Variants in PCID2 observed in about 807,000 individuals in gnomAD.
The protein encoded by PCID2 is PCI domain-containing protein 2.
In PCID2, 41 loss-of-function variants were observed where a neutral mutation model predicts 61.3. That is an observed-to-expected ratio of 0.67 (90% confidence interval 0.52 to 0.87). The LOEUF (loss-of-function observed/expected upper bound fraction) is 0.87. Ranked by LOEUF, PCID2 falls within the 40% of genes least tolerant of loss-of-function variation. The pLI is 0.00. For missense variants in PCID2, 392 were observed against 493.4 expected (o/e 0.79, Z 1.95); for synonymous variants, 187 against 177.8 (o/e 1.05, Z -0.41).
intron 1 of PCID2, among the ~76,000 whole-genome samples, chr13:113,206,718 C>T (rs184676625): frequency 6.6e-6 from 1 of 152,326 alleles, no homozygotes; most frequent in African/African-American, 2.4e-5. Flanking sequence ...GGTAACATGC[C>T]AGTTCAACCA....
intron 8 of PCID2, 50 bp downstream of exon 8, chr13:113,185,435 C>G (rs777465926): frequency 7.6e-7 from 1 of 1,315,450 alleles, no homozygotes; most frequent in Non-Finnish European, 1.1e-6. Flanking sequence ...GTGGGAAGCC[C>G]AGGACAATCG....
At chr13:113,199,841 G>A (rs73581008) in intron 2 of PCID2, among the ~76,000 whole-genome samples, 3 of 152,244 alleles carry the variant, frequency 2.0e-5, no homozygotes, top group Non-Finnish European at 2.9e-5. Context: ...TCTGTACACC[G>A]CCAAACATAA....
the PCID2 span, among the ~76,000 whole-genome samples, chr13:113,169,750 C>T: frequency 4.6e-5 from 7 of 152,358 alleles, no homozygotes; most frequent in African/African-American, 1.4e-4. Flanking sequence ...CTATTCCCAG[C>T]TTGTGTGAGT....
intron 7 of PCID2, among the ~76,000 whole-genome samples, chr13:113,189,789 G>A (rs1037015498): frequency 2.6e-5 from 4 of 150,990 alleles, no homozygotes; most frequent in Admixed American, 6.6e-5. Flanking sequence ...TTGGGAGGCC[G>A]AGGAGGGTGG....
chr13:113,196,134 TA>T, intron 5 of PCID2, 46 bp downstream of exon 5: 21 of 1,425,354 alleles, frequency 1.5e-5, no homozygotes, highest in South Asian at 3.5e-5. Flanking sequence ...AAGATTCTGC[TA>T]AAAAAATTGC....
In PCID2 at chr13:113,196,122, A is replaced by C; in HGVS notation, c.308+59T>G. The C allele has an allele frequency of 2.3e-6, 3 of 1,276,902 alleles. No individual in the cohort carries two copies. The South Asian group carries it at 3.6e-5, about 15-fold the overall frequency. The allele number at this position is 1,276,902 out of a possible 1,614,324, so 79.1% of individuals were successfully genotyped here. On this transcript the variant is annotated intron_variant, in intron 5 of 13. Coordinates refer to ENST00000337344, the MANE Select transcript of PCID2 (RefSeq NM_001127202.4). ...CACATTTATTTAAAGCAAATTTGTA[A>C]AAAGATTCTGCTAAAAAAATTGCCA...
At chr13:113,194,956 A>G (rs1445016392) in intron 6 of PCID2, 115 bp downstream of exon 6, 1 of 755,104 alleles carries the variant, frequency 1.3e-6, no homozygotes, top group East Asian at 2.5e-5. Context: ...TATACCAGAC[A>G]CATCTCAACT....
chr13:113,181,233 G>A lies in PCID2; in HGVS notation c.686-3C>T. The A allele has an allele frequency of 6.2e-7, 1 of 1,602,240 alleles. No individual in the cohort carries two copies. Among genetic ancestry groups the A allele is most frequent in the Non-Finnish European group, 8.6e-7 (1 of 1,169,582 alleles). On this transcript the variant is annotated splice_region_variant and splice_polypyrimidine_tract_variant and intron_variant, in intron 9 of 13. Transcript: ENST00000337344. ...GGCAAATGACAGGTACTCCTCAGCT[G>A]CAAAGAAGGCAGAGCCAGCACGCAT...
chr13:113,186,822 G>A (rs1382636800), intron 7 of PCID2: 2 of 152,210 alleles, frequency 1.3e-5, no homozygotes, highest in Non-Finnish European at 2.9e-5. Flanking sequence ...AGTACACTCT[G>A]TGGTGTTAAC....
At chr13:113,171,914 A>G in the PCID2 span, 3 of 1,613,668 alleles carry the variant, frequency 1.9e-6, no homozygotes, top group Non-Finnish European at 2.5e-6. This position sits in a 1 kb window ranked among gnomAD's most constrained non-coding sequence, Gnocchi z 5.1. Flanking sequence ...TGTCACCACC[A>G]GGACCTACTG....
At chr13:113,165,032 A>C in the PCID2 span, 19 of 1,612,768 alleles carry the variant, frequency 1.2e-5, no homozygotes, top group Non-Finnish European at 1.6e-5. Flanking sequence ...TTTTATTCTC[A>C]TGTTGCTGCC....
downstream of PCID2, among the ~76,000 whole-genome samples, chr13:113,176,794 T>C (rs1370524817): frequency 6.6e-6 from 1 of 152,078 alleles, no homozygotes; most frequent in East Asian, 1.9e-4. Context: ...TCTCTATCTG[T>C]ACCATCTCTA....
At chr13:113,191,965 G>A (rs1442944680) in intron 6 of PCID2, among the ~76,000 whole-genome samples, 1 of 152,152 alleles carries the variant, frequency 6.6e-6, no homozygotes, top group African/African-American at 2.4e-5. Flanking sequence ...TTTAAAAAAT[G>A]TCCTCGATGA....
chr13:113,204,958 G>A (rs1407361996), intron 1 of PCID2, among the ~76,000 whole-genome samples: 1 of 152,158 alleles, frequency 6.6e-6, no homozygotes, highest in Non-Finnish European at 1.5e-5. Flanking sequence ...ACCAGGGGAT[G>A]CTCCCTGGCT....
intron 9 of PCID2, among the ~76,000 whole-genome samples, chr13:113,183,241 A>G (rs1296257117): frequency 1.3e-5 from 2 of 152,010 alleles, no homozygotes; most frequent in Non-Finnish European, 2.9e-5. Context: ...TACAGACTTA[A>G]ACAAACTTTT....
chr13:113,193,136 G>A (rs1464200812), intron 6 of PCID2, among the ~76,000 whole-genome samples: 1 of 152,116 alleles, frequency 6.6e-6, no homozygotes, highest in Non-Finnish European at 1.5e-5. Context: ...TTTTCTTATA[G>A]CAGCCCAAAT....
chr13:113,171,898 T>C, the PCID2 span: 3 of 1,613,592 alleles, frequency 1.9e-6, no homozygotes, highest in African/African-American at 1.3e-5. This position sits in a 1 kb window ranked among gnomAD's most constrained non-coding sequence, Gnocchi z 5.1. Flanking sequence ...AGGTCCTGAA[T>C]GTGACTGTCA....
At chr13:113,191,666 T>C (rs571044200) in intron 6 of PCID2, among the ~76,000 whole-genome samples, 1 of 152,286 alleles carries the variant, frequency 6.6e-6, no homozygotes, top group Non-Finnish European at 1.5e-5. Context: ...GAGGATGGCC[T>C]TGGTTAAAGA....
intron 4 of PCID2, 143 bp from the exon 5 acceptor site, chr13:113,196,365 A>G: frequency 1.7e-6 from 1 of 584,024 alleles, no homozygotes; most frequent in Admixed American, 2.6e-5. Context: ...TCTTGAAGGA[A>G]AAAAGGTATA....
Sources: gnomAD v4.1 joint callset for allele counts (sites outside exome capture counted in the v4.1 genomes callset) on GRCh38, gnomAD v4.1.1 for gene constraint, Gnocchi (gnomAD v3.1) non-coding constraint, MANE v1.5 for transcripts, NCBI Gene and HGNC (gene_info 2026-07-23, HGNC 2026-07-21) for gene names.